Variants in TMPRSS11A observed in about 807,000 individuals in gnomAD.
TMPRSS11A encodes transmembrane serine protease 11A, also known as transmembrane protease serine 11A.
In TMPRSS11A, 53 loss-of-function variants were observed where a neutral mutation model predicts 58.9. The ratio of observed to expected loss-of-function variants is 0.90; its 90% CI spans 0.72 to 1.13. The LOEUF is 1.13. Among genes scored for constraint, TMPRSS11A ranks in the 50% most tolerant of loss-of-function variants. The pLI, the probability that TMPRSS11A is intolerant of heterozygous loss-of-function variation, is 0.00. For missense variants in TMPRSS11A, 493 were observed against 499.3 expected, an observed-to-expected ratio of 0.99 and a Z score of 0.12; for synonymous variants, 167 against 169.8, an observed-to-expected ratio of 0.98 and a Z score of 0.13.
intron 4 of TMPRSS11A, among the ~76,000 whole-genome samples, chr4:67,931,732 G>A (rs995752010): frequency 6.6e-6 from 1 of 152,160 alleles, no homozygotes; most frequent in Non-Finnish European, 1.5e-5. Context: ...AGTTAATGGG[G>A]TTTGATTCCT....
At chr4:67,940,056 A>T (rs1720844159) in intron 3 of TMPRSS11A, among the ~76,000 whole-genome samples, 1 of 152,190 alleles carries the variant, frequency 6.6e-6, no homozygotes, top group South Asian at 2.1e-4. Context: ...ACATATGTTG[A>T]ACCAGTCTTG....
intron 1 of TMPRSS11A, among the ~76,000 whole-genome samples, chr4:67,962,086 T>G (rs1376483479): frequency 6.6e-6 from 1 of 152,172 alleles, no homozygotes; most frequent in South Asian, 2.1e-4. Flanking sequence ...ACTTTAATAA[T>G]TTAATAGTAA....
chr4:67,918,914 T>C (rs1379152901), intron 8 of TMPRSS11A, 59 bp downstream of exon 8: 2 of 1,576,952 alleles, frequency 1.3e-6, no homozygotes. Context: ...TTGATGGAGA[T>C]GAAATCACAT....
intron 3 of TMPRSS11A, among the ~76,000 whole-genome samples, chr4:67,940,531 A>C (rs1284783126): frequency 6.6e-6 from 1 of 152,174 alleles, no homozygotes; most frequent in African/African-American, 2.4e-5. Flanking sequence ...TCTACATAGA[A>C]GTGTTCATAA....
At chr4:67,959,530 G>A (rs938805046) in intron 1 of TMPRSS11A, among the ~76,000 whole-genome samples, 11 of 152,068 alleles carry the variant, frequency 7.2e-5, no homozygotes, top group Non-Finnish European at 5.9e-5. Context: ...ATTAAAAGTG[G>A]GCAAAAGATA....
chr4:67,916,538 T>C (rs1720151850), intron 8 of TMPRSS11A, among the ~76,000 whole-genome samples: 2 of 151,868 alleles, frequency 1.3e-5, no homozygotes, highest in South Asian at 4.2e-4. Context: ...ATTAAAAACA[T>C]TCATGGCCTG....
intron 1 of TMPRSS11A, among the ~76,000 whole-genome samples, chr4:67,958,712 A>C (rs1721350311): frequency 6.6e-6 from 1 of 152,186 alleles, no homozygotes; most frequent in Non-Finnish European, 1.5e-5. Context: ...GATTCGTTTT[A>C]AAATGTGAGT....
chr4:67,961,477 CTTTTCCTTTTTTTTTTTTTT>C (rs1560577063), intron 1 of TMPRSS11A, among the ~76,000 whole-genome samples: 358 of 2,306 alleles, frequency 0.16, 14 homozygotes, highest in African/African-American at 0.29. Context: ...CTTTCCTTTT[CTTTTCCTTTTTTTTTTTTTT>C]TTTTTTTTTT....
chr4:67,957,435 G>GAGCAAAAGTGACGCTTGTTATGTTTT (rs1721314363), intron 1 of TMPRSS11A, among the ~76,000 whole-genome samples: 10 of 152,322 alleles, frequency 6.6e-5, no homozygotes, highest in African/African-American at 2.2e-4. Context: ...TTGGGAACCA[G>GAGCAAAAGTGACGCTTGTTATGTTTT]AGCAAAAGTG....
At chr4:67,933,156 C>A (rs1352809915) in intron 3 of TMPRSS11A, among the ~76,000 whole-genome samples, 1 of 151,896 alleles carries the variant, frequency 6.6e-6, no homozygotes, top group African/African-American at 2.4e-5. Context: ...TTTCAGGGAT[C>A]AAGAAACAAG....
At chr4:67,962,890 C>G (rs1416310026) in intron 1 of TMPRSS11A, among the ~76,000 whole-genome samples, 1 of 152,190 alleles carries the variant, frequency 6.6e-6, no homozygotes, top group Non-Finnish European at 1.5e-5. Flanking sequence ...CATGGAAGCC[C>G]TGGGTCTTCT....
chr4:67,920,932 G>T (rs918935769), intron 7 of TMPRSS11A, among the ~76,000 whole-genome samples: 1 of 152,030 alleles, frequency 6.6e-6, no homozygotes, highest in Non-Finnish European at 1.5e-5. Context: ...TAGGGCTGGA[G>T]GTCATTATCC....
chr4:67,926,383 A>T (rs904723935), intron 5 of TMPRSS11A, among the ~76,000 whole-genome samples: 1 of 152,246 alleles, frequency 6.6e-6, no homozygotes, highest in African/African-American at 2.4e-5. Context: ...GTTTTTGCCT[A>T]TAAAAAATTG....
At chr4:67,946,712 C>T in intron 1 of TMPRSS11A, 141 bp from the exon 2 acceptor site, 1 of 728,064 alleles carries the variant, frequency 1.4e-6, no homozygotes, top group African/African-American at 1.9e-5. Context: ...TCATCTTGGT[C>T]TGAGAAGATG....
At chr4:67,936,178 A>G (rs1295586788) in intron 3 of TMPRSS11A, among the ~76,000 whole-genome samples, 3 of 152,142 alleles carry the variant, frequency 2.0e-5, no homozygotes, top group Non-Finnish European at 4.4e-5. Context: ...CTACCCACTG[A>G]TGGGCAGCAA....
chr4:67,929,926 C>G lies in TMPRSS11A; in HGVS notation c.435G>C (p.Arg145Ser), dbSNP rs1198754650. The change falls in exon 5 of 10, where the codon AGG (arginine) becomes AGC (serine). Residue 145 changes from arginine to serine, a missense_variant. By Grantham distance (110) the Arg-to-Ser change is moderately radical. Coordinates refer to ENST00000508048, the MANE Select transcript of TMPRSS11A (RefSeq NM_001114387.2). ...CATTTATTGGCAAGGCTCTTAAATT[C>G]CTTATCTTCTGATTTAAGATGCTTT... is the stretch of plus-strand genomic sequence containing the variant. ...KIQSILNQKIRNLRALPINAS... is the reference protein window; with the variant it reads ...KIQSILNQKISNLRALPINAS... 6.2e-7 allele frequency: 1 copy of G among 1,613,588 alleles called. No homozygotes were observed. Among genetic ancestry groups the G allele is most frequent in the Non-Finnish European group, 8.5e-7 (1 of 1,179,674 alleles).
At chr4:67,959,981 T>A (rs190595579) in intron 1 of TMPRSS11A, among the ~76,000 whole-genome samples, 2 of 152,318 alleles carry the variant, frequency 1.3e-5, no homozygotes, top group East Asian at 3.9e-4. Context: ...TGGAATACTA[T>A]GCAGCTGTAA....
intron 5 of TMPRSS11A, among the ~76,000 whole-genome samples, chr4:67,927,227 C>T (rs1577857176): frequency 1.3e-5 from 2 of 152,312 alleles, no homozygotes; most frequent in East Asian, 3.9e-4. Flanking sequence ...TTGCTGGCCA[C>T]ATTGTGGGTA....
At chr4:67,919,334 A>G (rs1226173212) in intron 7 of TMPRSS11A, 102 bp from the exon 8 acceptor site, 24 of 1,046,678 alleles carry the variant, frequency 2.3e-5, no homozygotes, top group Non-Finnish European at 3.1e-5. Context: ...CAATCCTGAG[A>G]ATACTTGGCT....
Sources: allele counts gnomAD v4.1 joint callset (sites outside exome capture counted in the v4.1 genomes callset), GRCh38; gene constraint gnomAD v4.1.1; transcripts MANE v1.5; gene names NCBI Gene and HGNC (gene_info 2026-07-23, HGNC 2026-07-21).